Variants in RICTOR observed in about 807,000 individuals in gnomAD.
The protein encoded by RICTOR is rapamycin-insensitive companion of mTOR.
RICTOR carries 49 observed loss-of-function variants against 214.9 expected under a neutral mutation model. The observed-to-expected ratio is 0.23, with a 90% confidence interval of 0.18 to 0.29. The LOEUF (loss-of-function observed/expected upper bound fraction) is 0.29, where lower values mean the gene tolerates loss of function less well. Among genes scored for constraint, RICTOR ranks in the 10% least tolerant of loss-of-function variants. RICTOR has a pLI of 1.00. For synonymous variants in RICTOR, 717 were observed against 711.3 expected (o/e 1.01, Z -0.13); for missense variants, 1,625 against 2,047.0 (o/e 0.79, Z 3.98).
At position 39,053,123 on chromosome 5, in the gene RICTOR, C is replaced by T. The variant is rs1000140204; in HGVS notation, c.97+20988G>A. 3.3e-5 allele frequency among the ~76,000 whole-genome samples: 5 copies of T among 152,250 alleles called. No individual in the cohort carries two copies. The South Asian group carries it at 1.0e-3, about 32-fold the overall frequency. The stretch of plus-strand genomic sequence containing the variant: ...CTAGCTAAATTTTTTCATAGTTTTT[C>T]TCCAATTTATTTTAGGCTATTTCAA... On this transcript the variant is annotated intron_variant, in intron 2 of 37. Transcript: ENST00000357387.
rs1330647967 is a variant in RICTOR at position 38,960,518 on chromosome 5, T to A, written c.1731A>T (p.Leu577=). Reference sequence around the variant, plus strand: ...TACTGCTGGGCTTGTAAAAATAAAGTAGTCTTCGTACAAACCTAAAATCAA... The same window carrying A: ...TACTGCTGGGCTTGTAAAAATAAAGAAGTCTTCGTACAAACCTAAAATCAA... The part of the protein sequence containing the change: ...DEQLHRFVRR[L]LYFYKPSSKL... The change falls in exon 20 of 38, where the codon CTA becomes CTT. Residue 577 remains leucine (L), a synonymous_variant. Transcript: ENST00000357387. 1 of 1,613,422 alleles carries A rather than the reference T, an allele frequency of 6.2e-7. No homozygotes were observed. The highest frequency in any genetic ancestry group is 8.5e-7 in the Non-Finnish European group (1 of 1,179,640).
rs770518141 is a variant in RICTOR, at chr5:38,950,535, G to T, written c.3313C>A (p.Pro1105Thr). 1.2e-6 allele frequency: 2 copies of T among 1,612,800 alleles called. No individual in the cohort carries two copies. The highest frequency in any genetic ancestry group is 3.3e-5 in the Admixed American group (2 of 59,836). ...CTGCTACTACGATGTTTTTTGTTAGGCAAAGTAAGCGAATTTAAGATACGA... is the reference window on the plus strand; with the variant it reads ...CTGCTACTACGATGTTTTTTGTTAGTCAAAGTAAGCGAATTTAAGATACGA... ...KNRILNSLTL[P>T]NKKHRSSSDP... Residue 1105 changes from proline to threonine, a missense_variant, in exon 31 of 38, where the codon CCT (proline) becomes ACT (threonine). By Grantham distance (38) the Pro-to-Thr change is conservative. Around this residue, in one of 5 missense-constraint regions of RICTOR, gnomAD observed 1,214 missense variants for 1,470.5 expected, o/e 0.83. Transcript: ENST00000357387.
At chr5:38,999,043 A>AAAAAAAAAAC (rs1561514547) in intron 5 of RICTOR, among the ~76,000 whole-genome samples, 2 of 143,130 alleles carry the variant, frequency 1.4e-5, no homozygotes, top group Non-Finnish European at 3.0e-5. Context: ...AAAAAAAAAA[A>AAAAAAAAAAC]AAAAAAAACA....
intron 2 of RICTOR, among the ~76,000 whole-genome samples, chr5:39,046,197 G>A (rs1757486961): frequency 6.7e-6 from 1 of 150,228 alleles, no homozygotes; most frequent in Non-Finnish European, 1.5e-5. Flanking sequence ...CAAAAATTAG[G>A]GGAAAAAAAA....
In RICTOR at chr5:38,940,383, T is replaced by C. The variant is rs975545748; in HGVS notation, c.*1921A>G. On this transcript the variant is annotated 3_prime_UTR_variant, in exon 38 of 38. Coordinates refer to ENST00000357387, the MANE Select transcript of RICTOR (RefSeq NM_152756.5). ...ATGTTAATCCCATTATGAATAAGAT[T>C]ACATTACTTCCTTTGGAGGTTTTAA... The C allele has an allele frequency of 4.3e-6, 1 of 232,106 alleles. No homozygotes were observed. Among genetic ancestry groups the C allele is most frequent in the African/African-American group, 2.2e-5 (1 of 45,260 alleles). The allele number at this position is 232,106 out of a possible 1,614,324, so 14.4% of individuals were successfully genotyped here.
Position 38,962,903 on chromosome 5 carries a change from T to C in RICTOR, c.1539A>G (p.Arg513=). ...ATHQKRDQYL[R]VQKDIFILKD... is the part of the protein sequence containing the mutation. ...TAAGGATAAATATATCTTTCTGAAC[T>C]CGGAGATACTGATCCCGTTTCTGGT... is the stretch of plus-strand genomic sequence containing the variant. Residue 513 remains arginine (R), a synonymous_variant, in exon 17 of 38, where the codon CGA becomes CGG. Transcript: ENST00000357387. 1 of 1,612,838 alleles carries C rather than the reference T, an allele frequency of 6.2e-7. No individual in the cohort carries two copies. The highest frequency in any genetic ancestry group is 8.5e-7 in the Non-Finnish European group (1 of 1,178,982).
rs1295734865 is a variant in RICTOR at position 38,945,023 on chromosome 5, T to C, written c.4679A>G (p.His1560Arg). The C allele has an allele frequency of 6.2e-7, 1 of 1,611,884 alleles. No individual in the cohort carries two copies. The change falls in exon 35 of 38, where the codon CAT (histidine) becomes CGT (arginine). Residue 1560 changes from histidine to arginine, a missense_variant. Coordinates refer to ENST00000357387, the MANE Select transcript of RICTOR (RefSeq NM_152756.5). ...PYSDWCEQTIHNPLEVVPSKF... is the reference protein window; with the variant it reads ...PYSDWCEQTIRNPLEVVPSKF... ...AGAGGGAACCACTTCTAAAGGATTA[T>C]GGATAGTCTGCTCACACCAATCAGA...
chr5:39,040,550 T>C, intron 2 of RICTOR, among the ~76,000 whole-genome samples: 1 of 152,236 alleles, frequency 6.6e-6, no homozygotes, highest in East Asian at 1.9e-4. Flanking sequence ...GAATATGTTT[T>C]ATAATATAAA....
chr5:38,990,684 C>CACATATATG (rs771347927), intron 7 of RICTOR, among the ~76,000 whole-genome samples: 1,378 of 16,168 alleles, frequency 0.085, 210 homozygotes, highest in Admixed American at 0.12. Context: ...TCAGATATAT[C>CACATATATG]ATATATATGA....
chr5:38,941,699 CTT>C lies in RICTOR; in HGVS notation c.*603_*604del. ...TGCAAGTCTAGTAACATAAAAATAA[CTT>C]ATAAGTCCCGGGTTGTTGAGGCTCT... On this transcript the variant is annotated 3_prime_UTR_variant, in exon 38 of 38. Coordinates refer to ENST00000357387, the MANE Select transcript of RICTOR (RefSeq NM_152756.5). 1 of 232,096 alleles carries C rather than the reference CTT, an allele frequency of 4.3e-6. No homozygotes were observed. Among genetic ancestry groups the C allele is most frequent in the Non-Finnish European group, 8.5e-6 (1 of 117,138 alleles). The allele number at this position is 232,096 out of a possible 1,614,324, so 14.4% of individuals were successfully genotyped here.
intron 2 of RICTOR, among the ~76,000 whole-genome samples, chr5:39,073,125 A>G (rs1759444169): frequency 6.6e-6 from 1 of 152,212 alleles, no homozygotes; most frequent in Admixed American, 6.5e-5. Context: ...GAATGTCTAC[A>G]ACAAGTTTTT....
intron 6 of RICTOR, among the ~76,000 whole-genome samples, chr5:38,994,672 T>C (rs1024033431): frequency 4.6e-5 from 7 of 152,122 alleles, no homozygotes; most frequent in African/African-American, 1.7e-4. Context: ...CTACTCTGCA[T>C]CTCAGAAGAC....
intron 3 of RICTOR, among the ~76,000 whole-genome samples, chr5:39,012,183 A>G (rs886650044): frequency 2.0e-5 from 3 of 152,190 alleles, no homozygotes; most frequent in African/African-American, 7.2e-5. Flanking sequence ...GAACTCACTC[A>G]CTATCACCGC....
intron 32 of RICTOR, 65 bp from the exon 33 acceptor site, chr5:38,946,617 C>CT: frequency 1.1e-6 from 1 of 891,490 alleles, no homozygotes; most frequent in Admixed American, 1.8e-5. Context: ...TGAAAATTAG[C>CT]AAAATTAAAC....
At chr5:38,997,514 T>C (rs1426567418) in intron 5 of RICTOR, among the ~76,000 whole-genome samples, 1 of 152,160 alleles carries the variant, frequency 6.6e-6, no homozygotes, top group Admixed American at 6.5e-5. Flanking sequence ...TAGTCTGTGA[T>C]TCAAAAAGCA....
At position 38,978,575 on chromosome 5, in the gene RICTOR, T is replaced by G. The variant is rs2150054756; in HGVS notation, c.821+8A>C. Reference sequence around the variant, plus strand: ...TCTTAAAAATTATTAGGAACCAATGTTACTTACTTGAGCTGTCCTTCAGCT... The same window carrying G: ...TCTTAAAAATTATTAGGAACCAATGGTACTTACTTGAGCTGTCCTTCAGCT... On this transcript the variant is annotated splice_region_variant and intron_variant, in intron 9 of 37. Transcript: ENST00000357387. 6.8e-7 allele frequency: 1 copy of G among 1,479,200 alleles called. No individual in the cohort carries two copies. The highest frequency in any genetic ancestry group is 2.3e-5 in the East Asian group (1 of 43,836). 91.6% of individuals were successfully genotyped at this position (1,479,200 alleles called of 1,614,324 possible).
chr5:39,036,504 TA>T, intron 2 of RICTOR, among the ~76,000 whole-genome samples: 1 of 152,174 alleles, frequency 6.6e-6, no homozygotes, highest in East Asian at 1.9e-4. Flanking sequence ...ATGCTCCAAT[TA>T]AAAGACACAG....
intron 7 of RICTOR, among the ~76,000 whole-genome samples, 197 bp downstream of exon 7, chr5:38,990,752 A>G (rs71588476): frequency 1.9e-5 from 1 of 52,552 alleles, no homozygotes; most frequent in African/African-American, 5.4e-5. Context: ...TATGAGATAT[A>G]TGATATATAT....
At position 39,025,066 on chromosome 5, in the gene RICTOR, CAAT is replaced by C. The variant is rs371857628; in HGVS notation, c.98-3933_98-3931del. ...AAACTGACAGGTGATGATAACTCAA[CAAT>C]GAGTCAAATGTTTGCCTAATGAAGA... is the stretch of plus-strand genomic sequence containing the variant. On this transcript the variant is annotated intron_variant, in intron 2 of 37. Transcript: ENST00000357387. Among the ~76,000 whole-genome samples the C allele has an allele frequency of 6.9e-3, 1,044 of 152,278 alleles. 15 individuals carry two copies. The highest frequency in any genetic ancestry group is 0.024 in the African/African-American group (1,007 of 41,544).
Sources: gnomAD v4.1 joint callset for allele counts (sites outside exome capture counted in the v4.1 genomes callset) on GRCh38, gnomAD v4.1.1 for gene constraint, gnomAD v4.1.1 regional missense constraint, MANE v1.5 for transcripts, NCBI Gene and HGNC (gene_info 2026-07-23, HGNC 2026-07-21) for gene names.